Variants in SORCS2 observed in about 807,000 individuals in gnomAD.
SORCS2 encodes the protein sortilin related VPS10 domain containing receptor 2.
A neutral mutation model predicts 141.6 loss-of-function variants in SORCS2; 100 were observed. That is an observed-to-expected ratio of 0.71 (90% confidence interval 0.60 to 0.83). SORCS2 has a LOEUF of 0.83. Among genes scored for constraint, SORCS2 ranks in the 40% least tolerant of loss-of-function variants. The pLI is 0.00. For missense variants in SORCS2, 1,646 were observed against 1,560.2 expected (o/e 1.05, Z -0.93); for synonymous variants, 789 against 676.9 (o/e 1.17, Z -2.57).
At chr4:7,517,519 A>G (rs1298829845) in intron 2 of SORCS2, among the ~76,000 whole-genome samples, 1 of 152,208 alleles carries the variant, frequency 6.6e-6, no homozygotes, top group Non-Finnish European at 1.5e-5. Context: ...GAAACCGAAT[A>G]CAGTCAACAG....
chr4:7,619,942 C>T (rs935021252), intron 3 of SORCS2, among the ~76,000 whole-genome samples: 5 of 152,166 alleles, frequency 3.3e-5, no homozygotes, highest in Non-Finnish European at 2.9e-5. Context: ...TGCCCCTGCC[C>T]TGTCCCCAGG....
rs1295315078 is a variant in SORCS2 at position 7,733,435 on chromosome 4, A to G, written c.3208+14A>G. 1 of 1,564,208 alleles carries G rather than the reference A, an allele frequency of 6.4e-7. No individual in the cohort carries two copies. Among genetic ancestry groups the G allele is most frequent in the Admixed American group, 1.9e-5 (1 of 53,554 alleles). ...ACACAGGCACAGGTGAGCCACTGGGAGCTCCCCTGCGGAATGGGTGGAGGA... is the reference window on the plus strand; with the variant it reads ...ACACAGGCACAGGTGAGCCACTGGGGGCTCCCCTGCGGAATGGGTGGAGGA... On this transcript the variant is annotated intron_variant, in intron 24 of 26. Coordinates refer to ENST00000507866, the MANE Select transcript of SORCS2 (RefSeq NM_020777.3).
intron 1 of SORCS2, among the ~76,000 whole-genome samples, chr4:7,224,607 G>T (rs1728893439): frequency 6.6e-6 from 1 of 152,224 alleles, no homozygotes; most frequent in South Asian, 2.1e-4. Flanking sequence ...CCTGTACAGT[G>T]CAAAGGAGGG....
chr4:7,442,216 A>G (rs1382846851), intron 2 of SORCS2, among the ~76,000 whole-genome samples: 1 of 1,470 alleles, frequency 6.8e-4, no homozygotes, highest in African/African-American at 1.6e-3. Context: ...CCCAGCCCAG[A>G]TCACCCTCCA....
intron 3 of SORCS2, among the ~76,000 whole-genome samples, chr4:7,544,561 C>T (rs964399465): frequency 1.3e-5 from 2 of 152,232 alleles, no homozygotes; most frequent in African/African-American, 4.8e-5. Context: ...TTGCAGATTC[C>T]AGGGGTGAGC....
At chr4:7,337,772 G>C (rs1577416177) in intron 1 of SORCS2, among the ~76,000 whole-genome samples, 1 of 152,202 alleles carries the variant, frequency 6.6e-6, no homozygotes, top group African/African-American at 2.4e-5. Context: ...CTCCCTACCA[G>C]GGTTTGTCTG....
At chr4:7,630,525 G>C (rs1719819301) in intron 3 of SORCS2, among the ~76,000 whole-genome samples, 1 of 152,142 alleles carries the variant, frequency 6.6e-6, no homozygotes, top group Non-Finnish European at 1.5e-5. Context: ...CTGTATCCTG[G>C]GACCTCTACA....
intron 5 of SORCS2, among the ~76,000 whole-genome samples, chr4:7,656,676 A>G (rs916198277): frequency 1.3e-4 from 20 of 152,158 alleles, no homozygotes; most frequent in African/African-American, 4.8e-4. Context: ...GTGTTCCTGC[A>G]TCTGCCTCCT....
At chr4:7,467,094 A>C (rs1343560051) in intron 2 of SORCS2, among the ~76,000 whole-genome samples, 1 of 152,048 alleles carries the variant, frequency 6.6e-6, no homozygotes, top group African/African-American at 2.4e-5. Context: ...TAAAACTCCC[A>C]CCACGGTCCA....
At chr4:7,443,851 G>A (rs936286530) in intron 2 of SORCS2, among the ~76,000 whole-genome samples, 1 of 152,234 alleles carries the variant, frequency 6.6e-6, no homozygotes, top group Admixed American at 6.5e-5. Flanking sequence ...AAGGCCCATA[G>A]GTGGTTTCCA....
intron 3 of SORCS2, among the ~76,000 whole-genome samples, chr4:7,627,700 T>G (rs1171237615): frequency 3.9e-5 from 6 of 152,220 alleles, no homozygotes; most frequent in African/African-American, 1.4e-4. Context: ...TAGGCAGTCT[T>G]AAGACCTTGG....
At chr4:7,530,944 C>T (rs891350375) in intron 2 of SORCS2, among the ~76,000 whole-genome samples, 3 of 152,132 alleles carry the variant, frequency 2.0e-5, no homozygotes, top group Non-Finnish European at 1.5e-5. Flanking sequence ...AGCAGCTGCC[C>T]GAACTCTGGT....
At chr4:7,724,859 A>G (rs1368041757) in intron 19 of SORCS2, among the ~76,000 whole-genome samples, 6 of 49,048 alleles carry the variant, frequency 1.2e-4, no homozygotes, top group South Asian at 1.4e-3. Context: ...GGTAGTGGTG[A>G]TGGTGGTGGT....
At chr4:7,579,434 T>G (rs144047049) in intron 3 of SORCS2, among the ~76,000 whole-genome samples, 1 of 152,128 alleles carries the variant, frequency 6.6e-6, no homozygotes, top group Non-Finnish European at 1.5e-5. Flanking sequence ...ATTAAATCCA[T>G]GTATAGCTGA....
chr4:7,640,497 CGTAT>C (rs1560448615), intron 4 of SORCS2, among the ~76,000 whole-genome samples: 1 of 103,216 alleles, frequency 9.7e-6, no homozygotes, highest in East Asian at 8.0e-4. Flanking sequence ...CCTATGTGAG[CGTAT>C]GTGAGAGTGT....
At chr4:7,636,398 T>A (rs972389369) in intron 3 of SORCS2, among the ~76,000 whole-genome samples, 1 of 152,222 alleles carries the variant, frequency 6.6e-6, no homozygotes, top group Non-Finnish European at 1.5e-5. Context: ...AATGAATGAA[T>A]TAATGAAGGA....
intron 2 of SORCS2, among the ~76,000 whole-genome samples, chr4:7,414,964 G>T (rs1207746010): frequency 6.6e-6 from 1 of 152,140 alleles, no homozygotes; most frequent in African/African-American, 2.4e-5. Flanking sequence ...GTAAATTAAG[G>T]GGTCAGTTGG....
chr4:7,669,145 T>C lies in SORCS2; in HGVS notation c.1161+1932T>C, dbSNP rs188605325. 1.1e-3 allele frequency among the ~76,000 whole-genome samples: 161 copies of C among 152,320 alleles called. No homozygotes were observed. The Middle Eastern group carries it at 0.017, about 16-fold the overall frequency. ...GTGCATTTTACACTGGTTTTCTTCTTCTTGCATTTCCATGGAAATTGGAGG... is the reference window on the plus strand; with the variant it reads ...GTGCATTTTACACTGGTTTTCTTCTCCTTGCATTTCCATGGAAATTGGAGG... On this transcript the variant is annotated intron_variant, in intron 8 of 26. Coordinates refer to ENST00000507866, the MANE Select transcript of SORCS2 (RefSeq NM_020777.3).
intron 1 of SORCS2, among the ~76,000 whole-genome samples, chr4:7,315,264 TTG>T (rs1471197600): frequency 6.6e-6 from 1 of 152,146 alleles, no homozygotes; most frequent in Non-Finnish European, 1.5e-5. Flanking sequence ...GCCTCCCTCT[TTG>T]TGAAATATCA....
Sources: gnomAD v4.1 joint callset for allele counts (sites outside exome capture counted in the v4.1 genomes callset) on GRCh38, gnomAD v4.1.1 for gene constraint, MANE v1.5 for transcripts, NCBI Gene and HGNC (gene_info 2026-07-23, HGNC 2026-07-21) for gene names.